FAAH: variants seen among roughly 807,000 people sequenced by gnomAD.
FAAH encodes fatty-acid amide hydrolase 1.
In FAAH, 63 loss-of-function variants were observed where a neutral mutation model predicts 69.7. The ratio of observed to expected loss-of-function variants is 0.90; its 90% CI spans 0.74 to 1.12. The LOEUF (loss-of-function observed/expected upper bound fraction) is 1.12, where lower values mean the gene tolerates loss of function less well. Among genes scored for constraint, FAAH ranks in the 50% most tolerant of loss-of-function variants. The pLI, the probability that FAAH is intolerant of heterozygous loss-of-function variation, is 0.00. For missense variants in FAAH, 680 were observed against 755.0 expected, an observed-to-expected ratio of 0.90 and a Z score of 1.16; for synonymous variants, 305 against 324.2, an observed-to-expected ratio of 0.94 and a Z score of 0.64.
In FAAH at chr1:46,402,262, C is replaced by CAAGGCCAG. The variant is rs45498095; in HGVS notation, c.309+58_309+59insAAGGCCAG. ...AAAGGTAAGGCCAGCCAAGGCCAGCCCCTCCCTTTCCCCTCCCTCTGTCCG... is the reference window on the plus strand; with the variant it reads ...AAAGGTAAGGCCAGCCAAGGCCAGCCAAGGCCAGCCTCCCTTTCCCCTCCCTCTGTCCG... On this transcript the variant is annotated intron_variant, in intron 2 of 14. Transcript: ENST00000243167. 20 of 1,344,262 alleles carry CAAGGCCAG rather than the reference C, an allele frequency of 1.5e-5. No individual in the cohort carries two copies. The African/African-American group carries it at 2.2e-4, about 15-fold the overall frequency. The allele number at this position is 1,344,262 out of a possible 1,614,324, so 83.3% of individuals were successfully genotyped here.
At position 46,408,550 on chromosome 1, in the gene FAAH, A is replaced by G. The variant is rs774821600; in HGVS notation, c.1043A>G (p.Glu348Gly). The G allele has an allele frequency of 5.0e-6, 8 of 1,614,200 alleles. No homozygotes were observed. The highest frequency in any genetic ancestry group is 5.9e-6 in the Non-Finnish European group (7 of 1,180,040). Reference sequence around the variant, plus strand: ...CCGGCCATGAGGCGGGCCGTGCTGGAGACCAAACAGAGCCTTGAGGCTGCG... The same window carrying G: ...CCGGCCATGAGGCGGGCCGTGCTGGGGACCAAACAGAGCCTTGAGGCTGCG... ...PSPAMRRAVL[E>G]TKQSLEAAGH... Residue 348 changes from glutamate (E) to glycine (G), a missense_variant, in exon 8 of 15, where the codon GAG becomes GGG. Coordinates refer to ENST00000243167, the MANE Select transcript of FAAH (RefSeq NM_001441.3).
rs931280846 is a variant in FAAH at position 46,405,920 on chromosome 1, A to G, written c.786-118A>G. On this transcript the variant is annotated intron_variant, in intron 5 of 14. Transcript: ENST00000243167. This position sits in a 1 kb window ranked among gnomAD's most constrained non-coding sequence, Gnocchi z 4.1. ...TGCTGGGAGGAAGCATTACAGTACC[A>G]CTGGCCGGGCGTGGGTCCTAGTTTC... The G allele has an allele frequency of 2.7e-5, 44 of 1,611,306 alleles. No individual in the cohort carries two copies. Among genetic ancestry groups the G allele is most frequent in the Admixed American group, 5.0e-5 (3 of 59,862 alleles).
chr1:46,403,470 C>T (rs894158826), intron 2 of FAAH, among the ~76,000 whole-genome samples: 2 of 152,234 alleles, frequency 1.3e-5, no homozygotes, highest in Admixed American at 6.5e-5. Context: ...CACCATCTCC[C>T]GCCATGCCCA....
Position 46,402,193 on chromosome 1 carries a change from T to C in FAAH, c.298T>C (p.Tyr100His). 1 of 1,602,818 alleles carries C rather than the reference T, an allele frequency of 6.2e-7. No individual in the cohort carries two copies. Among genetic ancestry groups the C allele is most frequent in the African/African-American group, 1.3e-5 (1 of 74,834 alleles). ...ELAPEAVLFT[Y>H]VGKAWEVNKG... ...GGCCCCTGAGGCCGTGCTCTTCACC[T>C]ATGTGGGAAAGGTAAGGCCAGCCAA... Residue 100 changes from tyrosine to histidine, a missense_variant, in exon 2 of 15, where the codon TAT becomes CAT. Coordinates refer to ENST00000243167, the MANE Select transcript of FAAH (RefSeq NM_001441.3).
At chr1:46,401,663 A>G (rs1234910461) in intron 1 of FAAH, among the ~76,000 whole-genome samples, 1 of 152,234 alleles carries the variant, frequency 6.6e-6, no homozygotes, top group African/African-American at 2.4e-5. Context: ...TGGGAATGGC[A>G]GTAAGACTTA....
In FAAH at chr1:46,412,182, G is replaced by A. The variant is rs976877683; in HGVS notation, c.1396G>A (p.Asp466Asn). 2 of 1,564,342 alleles carry A rather than the reference G, an allele frequency of 1.3e-6. No individual in the cohort carries two copies. Among genetic ancestry groups the A allele is most frequent in the Admixed American group, 3.8e-5 (2 of 52,996 alleles). The change falls in exon 13 of 15, where the codon GAC (aspartate) becomes AAC (asparagine). Residue 466 changes from aspartate (D) to asparagine (N), a missense_variant. Physicochemically the swap from Asp to Asn is conservative, Grantham distance 23. Coordinates refer to ENST00000243167, the MANE Select transcript of FAAH (RefSeq NM_001441.3). Reference protein sequence around the residue: ...KTVIAQWRALDLDVVLTPMLA... With the variant: ...KTVIAQWRALNLDVVLTPMLA... The stretch of plus-strand genomic sequence containing the variant: ...CGTGATTGCCCAGTGGAGGGCGCTG[G>A]ACCTGGATGTGGTGCTGACCCCCAT...
Position 46,405,581 on chromosome 1 carries a change from C to T in FAAH, c.579-7C>T, listed in dbSNP as rs200326797. On this transcript the variant is annotated splice_region_variant and splice_polypyrimidine_tract_variant and intron_variant, in intron 4 of 14. Transcript: ENST00000243167. This position sits in a 1 kb window ranked among gnomAD's most constrained non-coding sequence, Gnocchi z 4.1. ...GGCACGGGCTGACCCATTCTTGGCT[C>T]CTCCAGCTATGACTGCAGTAACCCC... 2.7e-5 allele frequency: 44 copies of T among 1,613,286 alleles called. No individual in the cohort carries two copies. The highest frequency in any genetic ancestry group is 3.4e-5 in the Non-Finnish European group (40 of 1,180,052).
rs200743964 is a variant in FAAH at position 46,405,562 on chromosome 1, G to A, written c.579-26G>A. The A allele has an allele frequency of 1.9e-6, 3 of 1,613,132 alleles. No homozygotes were observed. The African/African-American group carries it at 4.0e-5, about 22-fold the overall frequency. On this transcript the variant is annotated intron_variant, in intron 4 of 14. Transcript: ENST00000243167. The surrounding 1 kb of genome is among the most constrained non-coding windows in gnomAD (Gnocchi z 4.1). ...GGGGCACCGGTCCCAGCATGGCACG[G>A]GCTGACCCATTCTTGGCTCCTCCAG...
chr1:46,397,879 C>T (rs1664626059), intron 1 of FAAH, among the ~76,000 whole-genome samples: 2 of 150,150 alleles, frequency 1.3e-5, no homozygotes, highest in African/African-American at 4.9e-5. Flanking sequence ...TGGCTAATTT[C>T]TGTAGTTTTA....
At chr1:46,397,529 C>G (rs324417) in intron 1 of FAAH, among the ~76,000 whole-genome samples, 149,872 of 152,210 alleles carry the variant, frequency 0.98, 73,786 homozygotes, top group East Asian at 1. Context: ...GTAGGCTTTG[C>G]GGGGGAGTAG....
At chr1:46,409,802 C>T (rs1406644964) in intron 9 of FAAH, among the ~76,000 whole-genome samples, 1 of 152,170 alleles carries the variant, frequency 6.6e-6, no homozygotes, top group African/African-American at 2.4e-5. Context: ...CCCCTTCCTC[C>T]ACTTCACTGA....
rs999582210 is a variant in FAAH, at chr1:46,404,094, C to T, written c.310-920C>T. On this transcript the variant is annotated intron_variant, in intron 2 of 14. Transcript: ENST00000243167. This position sits in a 1 kb window ranked among gnomAD's most constrained non-coding sequence, Gnocchi z 4.5. Reference sequence around the variant, plus strand: ...TGGGGGCTGCAGCTGAGGAAGCGAGCGCATGCTGGGCTGGTGTCACTGAGA... The same window carrying T: ...TGGGGGCTGCAGCTGAGGAAGCGAGTGCATGCTGGGCTGGTGTCACTGAGA... Among the ~76,000 whole-genome samples, 7 of 152,088 alleles carry T rather than the reference C, an allele frequency of 4.6e-5. No individual in the cohort carries two copies. The highest frequency in any genetic ancestry group is 7.4e-5 in the Non-Finnish European group (5 of 68,014).
chr1:46,394,542 A>G lies in FAAH; in HGVS notation c.194A>G (p.Gln65Arg), dbSNP rs1358179444. 3 of 1,355,916 alleles carry G rather than the reference A, an allele frequency of 2.2e-6. No homozygotes were observed. The highest frequency in any genetic ancestry group is 1.8e-5 in the South Asian group (1 of 54,536). The allele number at this position is 1,355,916 out of a possible 1,614,324, so 84.0% of individuals were successfully genotyped here. Reference protein sequence around the residue: ...MDRAAQRFRLQNPDLDSEALL... With the variant: ...MDRAAQRFRLRNPDLDSEALL... ...AGGGCGGCGCAGCGCTTCCGGCTCC[A>G]GGTGACTGCCGGAGCGTAGTGGGAT... is the stretch of plus-strand genomic sequence containing the variant. The change falls in exon 1 of 15, where the codon CAG becomes CGG. Residue 65 changes from glutamine (Q) to arginine (R), a missense_variant and splice_region_variant. Transcript: ENST00000243167.
At chr1:46,407,741 G>A (rs1172554446) in intron 7 of FAAH, among the ~76,000 whole-genome samples, 2 of 152,202 alleles carry the variant, frequency 1.3e-5, no homozygotes, top group Non-Finnish European at 2.9e-5. Flanking sequence ...GAGCTGTAAA[G>A]TTAGATTGGT....
chr1:46,397,989 A>G (rs1427379536), intron 1 of FAAH, among the ~76,000 whole-genome samples: 1 of 136,790 alleles, frequency 7.3e-6, no homozygotes, highest in African/African-American at 2.8e-5. Context: ...GCTGGAGTGC[A>G]CTGGTGCAAT....
At chr1:46,401,821 G>A (rs1408229839) in intron 1 of FAAH, among the ~76,000 whole-genome samples, 1 of 152,180 alleles carries the variant, frequency 6.6e-6, no homozygotes, top group African/African-American at 2.4e-5. Flanking sequence ...TGAAGTGGGA[G>A]GATCACTTGA....
chr1:46,406,492 C>G, intron 7 of FAAH, 124 bp downstream of exon 7: 2 of 1,303,750 alleles, frequency 1.5e-6, no homozygotes, highest in Non-Finnish European at 2.1e-6. Flanking sequence ...GAGGCCAGGG[C>G]GGGTTGCTCC....
chr1:46,394,733 G>A (rs1009974903), intron 1 of FAAH, among the ~76,000 whole-genome samples, 190 bp downstream of exon 1: 1 of 152,224 alleles, frequency 6.6e-6, no homozygotes, highest in Non-Finnish European at 1.5e-5. Flanking sequence ...GAAAGGAAAC[G>A]GTAGTGTCAA....
rs771499890 is a variant in FAAH, at chr1:46,408,509, C to T, written c.1002C>T (p.Asn334=). Residue 334 remains asparagine, a synonymous_variant, in exon 8 of 15, where the codon AAC becomes AAT. Coordinates refer to ENST00000243167, the MANE Select transcript of FAAH (RefSeq NM_001441.3). ...PLRVGYYETD[N]YTMPSPAMRR... is the part of the protein sequence containing the mutation. ...GTGTGGGGTACTATGAGACTGACAA[C>T]TATACCATGCCCTCCCCGGCCATGA... The T allele has an allele frequency of 6.8e-6, 11 of 1,614,080 alleles. No homozygotes were observed. In the East Asian group the frequency reaches 2.5e-4, roughly 36 times the overall value.
Sources: gnomAD v4.1 joint callset for allele counts (sites outside exome capture counted in the v4.1 genomes callset) on GRCh38, gnomAD v4.1.1 for gene constraint, Gnocchi (gnomAD v3.1) non-coding constraint, MANE v1.5 for transcripts, NCBI Gene and HGNC (gene_info 2026-07-23, HGNC 2026-07-21) for gene names.